SMG5: variants seen among roughly 807,000 people sequenced by gnomAD.
SMG5 encodes the protein nonsense-mediated mRNA decay factor SMG5.
Under a neutral mutation model 122.9 loss-of-function variants are expected in SMG5, and 53 were observed. The ratio of observed to expected loss-of-function variants is 0.43; its 90% CI spans 0.35 to 0.54. SMG5 has a LOEUF of 0.54. Ranked by LOEUF, SMG5 falls within the 20% of genes least tolerant of loss-of-function variation. The pLI, the probability that SMG5 is intolerant of heterozygous loss-of-function variation, is 0.01. For missense variants in SMG5, 1,153 were observed against 1,285.6 expected, an observed-to-expected ratio of 0.90 and a Z score of 1.58; for synonymous variants, 477 against 490.2, an observed-to-expected ratio of 0.97 and a Z score of 0.35.
chr1:156,255,867 C>T (rs1433533003), intron 16 of SMG5, among the ~76,000 whole-genome samples: 2 of 152,248 alleles, frequency 1.3e-5, no homozygotes, highest in East Asian at 3.9e-4. Context: ...CATGCCACTG[C>T]ACTTCAGCCT....
intron 11 of SMG5, 41 bp downstream of exon 11, chr1:156,266,500 C>G (rs764007343): frequency 7.4e-6 from 12 of 1,613,416 alleles, no homozygotes; most frequent in Non-Finnish European, 1.0e-5. Context: ...CCATGCCCCA[C>G]ACCAACCTTT....
chr1:156,252,906 C>T lies in SMG5; in HGVS notation c.2662+13G>A. The T allele has an allele frequency of 6.3e-7, 1 of 1,576,142 alleles. No homozygotes were observed. Among genetic ancestry groups the T allele is most frequent in the Non-Finnish European group, 8.6e-7 (1 of 1,159,640 alleles). ...AGTCATACTCTGTCTCCTTACCTCT[C>T]CAATGTACTTACCTGTCCTTGGGAT... On this transcript the variant is annotated intron_variant, in intron 18 of 21. Coordinates refer to ENST00000361813, the MANE Select transcript of SMG5 (RefSeq NM_015327.3).
intron 16 of SMG5, among the ~76,000 whole-genome samples, chr1:156,257,458 T>G (rs775491223): frequency 6.6e-6 from 1 of 152,108 alleles, no homozygotes; most frequent in Non-Finnish European, 1.5e-5. Context: ...TATCTTGGCA[T>G]GTGGAGTCTA....
chr1:156,279,038 T>C lies in SMG5; in HGVS notation c.75-4A>G, dbSNP rs77718996. 0.011 allele frequency: 17,954 copies of C among 1,613,504 alleles called. 118 individuals carry two copies. The highest frequency in any genetic ancestry group is 0.013 in the Non-Finnish European group (15,741 of 1,179,486). On this transcript the variant is annotated splice_region_variant and splice_polypyrimidine_tract_variant and intron_variant, in intron 1 of 21. Coordinates refer to ENST00000361813, the MANE Select transcript of SMG5 (RefSeq NM_015327.3). ...ATGCACAGCCTCCACCACAGCCCTG[T>C]AGGGAAATACAGGCAAATATCCCCT...
intron 16 of SMG5, among the ~76,000 whole-genome samples, chr1:156,256,943 T>TCC (rs111460919): frequency 1.4e-5 from 2 of 142,954 alleles, no homozygotes; most frequent in Non-Finnish European, 3.0e-5. Flanking sequence ...TTTTTTTTTT[T>TCC]CCAGACAGAG....
chr1:156,253,292 G>C (rs1048293413), intron 17 of SMG5, among the ~76,000 whole-genome samples, 157 bp downstream of exon 17: 7 of 152,176 alleles, frequency 4.6e-5, no homozygotes, highest in African/African-American at 1.7e-4. Flanking sequence ...AAATGGCTGA[G>C]TGAAGAGTGA....
rs995385627 is a variant in SMG5, at chr1:156,249,295, C to T, written c.*1292G>A. ...CCAGCAACTGGGAGTGGGGTGACTC[C>T]ACTCACCCCAGGATTTCCCAGACTT... On this transcript the variant is annotated 3_prime_UTR_variant, in exon 22 of 22. Transcript: ENST00000361813. 5.2e-6 allele frequency: 1 copy of T among 191,030 alleles called. No individual in the cohort carries two copies. The highest frequency in any genetic ancestry group is 2.4e-5 in the African/African-American group (1 of 42,154). The allele number at this position is 191,030 out of a possible 1,614,324, so 11.8% of individuals were successfully genotyped here.
the SMG5 span, chr1:156,291,228 C>G: frequency 1.8e-5 from 11 of 626,784 alleles, no homozygotes; most frequent in South Asian, 5.5e-5. Flanking sequence ...GTGCCTAATA[C>G]ATGTTAAGTG....
At position 156,266,400 on chromosome 1, in the gene SMG5, A is replaced by C; in HGVS notation, c.1256-20T>G. ...GTTCATCTGCGGAAAGAGGAAGGTC[A>C]GGTGGAGCCCGAGGAACAGGTGGAG... On this transcript the variant is annotated intron_variant, in intron 11 of 21. Transcript: ENST00000361813. The C allele has an allele frequency of 6.2e-7, 1 of 1,605,816 alleles. No homozygotes were observed. Among genetic ancestry groups the C allele is most frequent in the Non-Finnish European group, 8.5e-7 (1 of 1,174,512 alleles).
intron 16 of SMG5, among the ~76,000 whole-genome samples, chr1:156,256,194 T>C (rs961428316): frequency 1.3e-5 from 2 of 152,028 alleles, no homozygotes; most frequent in Non-Finnish European, 1.5e-5. Flanking sequence ...TGCAGAGTCC[T>C]GCACAACAAA....
chr1:156,283,367 A>C (rs933849449), upstream of SMG5, among the ~76,000 whole-genome samples: 1 of 152,218 alleles, frequency 6.6e-6, no homozygotes, highest in Non-Finnish European at 1.5e-5. Flanking sequence ...CTTACGAGCC[A>C]GTAACATTTA....
upstream of SMG5, among the ~76,000 whole-genome samples, chr1:156,283,484 G>T (rs922323391): frequency 6.6e-6 from 1 of 152,056 alleles, no homozygotes; most frequent in Admixed American, 6.6e-5. Flanking sequence ...TAGGGATAAG[G>T]ACTCATAGAA....
At chr1:156,277,004 A>G (rs1209681026) in intron 4 of SMG5, 81 bp downstream of exon 4, 6 of 1,456,220 alleles carry the variant, frequency 4.1e-6, no homozygotes, top group African/African-American at 2.8e-5. Context: ...GCTGGGTCGC[A>G]AGCTACATGA....
intron 17 of SMG5, 120 bp downstream of exon 17, chr1:156,253,329 G>A (rs1661436286): frequency 1.8e-6 from 2 of 1,088,128 alleles, no homozygotes; most frequent in South Asian, 2.6e-5. Context: ...TCTGGGAGAG[G>A]CGGAGGGACA....
intron 19 of SMG5, 39 bp downstream of exon 19, chr1:156,252,375 A>G: frequency 6.3e-7 from 1 of 1,597,318 alleles, no homozygotes; most frequent in Non-Finnish European, 8.6e-7. Context: ...CAAAAGACAG[A>G]CCCAGGGCTC....
chr1:156,261,291 G>A, intron 14 of SMG5, 42 bp downstream of exon 14: 2 of 1,589,102 alleles, frequency 1.3e-6, no homozygotes, highest in Non-Finnish European at 8.6e-7. Context: ...TGGGGACAAT[G>A]AGAGAGCAAA....
intron 10 of SMG5, 90 bp from the exon 11 acceptor site, chr1:156,266,768 C>G: frequency 7.3e-7 from 1 of 1,376,404 alleles, no homozygotes. Flanking sequence ...CTGTTCTCAA[C>G]TCTTCCAAGG....
At chr1:156,260,793 A>G (rs1211362792) in intron 14 of SMG5, among the ~76,000 whole-genome samples, 167 bp from the exon 15 acceptor site, 3 of 152,230 alleles carry the variant, frequency 2.0e-5, no homozygotes, top group East Asian at 3.8e-4. Flanking sequence ...AGATGGACAC[A>G]TAAGAGCCAG....
chr1:156,251,617 C>T, intron 19 of SMG5, 140 bp from the exon 20 acceptor site: 2 of 813,976 alleles, frequency 2.5e-6, no homozygotes, highest in East Asian at 2.5e-5. Flanking sequence ...AGCTCTGGAG[C>T]CATTCTTAAG....
Sources: allele counts gnomAD v4.1 joint callset (sites outside exome capture counted in the v4.1 genomes callset), GRCh38; gene constraint gnomAD v4.1.1; transcripts MANE v1.5; gene names NCBI Gene and HGNC (gene_info 2026-07-23, HGNC 2026-07-21).